PSG3: variants seen among roughly 807,000 people sequenced by gnomAD.
PSG3 encodes the protein pregnancy specific beta-1-glycoprotein 3, also known as pregnancy-specific beta-1-glycoprotein 3.
PSG3 carries 61 observed loss-of-function variants against 47.5 expected under a neutral mutation model. The ratio of observed to expected loss-of-function variants is 1.28; its 90% CI spans 1.05 to 1.59. The LOEUF is 1.59. Among genes scored for constraint, PSG3 ranks in the 40% most tolerant of loss-of-function variants. The pLI is 0.00. For missense variants in PSG3, 756 were observed against 524.0 expected (o/e 1.44, Z -4.32); for synonymous variants, 263 against 198.4 (o/e 1.33, Z -2.74).
At chr19:42,734,481 G>A (rs1467126132) in intron 2 of PSG3, among the ~76,000 whole-genome samples, 1 of 152,146 alleles carries the variant, frequency 6.6e-6, no homozygotes, top group Admixed American at 6.6e-5. Flanking sequence ...CAGGAGTTTA[G>A]ACCTTATGTT....
chr19:42,736,233 T>G (rs759001368), intron 2 of PSG3, among the ~76,000 whole-genome samples: 5 of 152,206 alleles, frequency 3.3e-5, no homozygotes, highest in African/African-American at 9.7e-5. Context: ...TTTACAAAAT[T>G]TGTAACTAAT....
At position 42,729,153 on chromosome 19, in the gene PSG3, T is replaced by C. The variant is rs778517713; in HGVS notation, c.1213A>G (p.Ser405Gly). 1.2e-6 allele frequency: 2 copies of C among 1,613,998 alleles called. No homozygotes were observed. The highest frequency in any genetic ancestry group is 1.7e-5 in the Admixed American group (1 of 60,022). The part of the protein sequence containing the change: ...SVRNSATGME[S>G]SKSMTVKVSA... ...ACTTTGACTGTCATGGATTTGGAGC[T>C]TTCCATGCCAGTGGCTGAGTTACGA... Residue 405 changes from serine (S) to glycine (G), a missense_variant, in exon 5 of 7, where the codon AGC (serine) becomes GGC (glycine). By Grantham distance (56) the Ser-to-Gly change is moderately conservative. Transcript: ENST00000327495.
chr19:42,728,065 A>C (rs1222515183), intron 5 of PSG3, among the ~76,000 whole-genome samples: 1 of 152,214 alleles, frequency 6.6e-6, no homozygotes, highest in Non-Finnish European at 1.5e-5. Flanking sequence ...GATAGTTAGA[A>C]TAGCCAGTTA....
At chr19:42,733,981 C>T (rs558149350) in intron 2 of PSG3, 14 of 152,254 alleles carry the variant, frequency 9.2e-5, no homozygotes, top group African/African-American at 3.4e-4. Context: ...TGGGAAGAAG[C>T]CTTGCAGATA....
At chr19:42,730,160 G>A (rs1969449753) in intron 3 of PSG3, 104 bp from the exon 4 acceptor site, 1 of 1,546,060 alleles carries the variant, frequency 6.5e-7, no homozygotes, top group South Asian at 1.3e-5. Context: ...GCCCACCCGA[G>A]TCCTTGAAAG....
chr19:42,728,893 C>T (rs572009614), intron 5 of PSG3, among the ~76,000 whole-genome samples: 29 of 152,262 alleles, frequency 1.9e-4, no homozygotes, highest in African/African-American at 7.0e-4. Flanking sequence ...GCTGATAAAG[C>T]CCGCTCCGTA....
intron 3 of PSG3, among the ~76,000 whole-genome samples, chr19:42,731,468 C>G (rs183107821): frequency 6.6e-6 from 1 of 152,180 alleles, no homozygotes; most frequent in African/African-American, 2.4e-5. Context: ...TCGGTGAATT[C>G]CATACTGGCC....
In PSG3 at chr19:42,729,983, G is replaced by A. The variant is rs776995360; in HGVS notation, c.783C>T (p.Thr261=). The change falls in exon 4 of 7, where the codon ACC becomes ACT. Residue 261 remains threonine, a synonymous_variant. Transcript: ENST00000327495. ...TGTAGTTCTCACTCTTAGGTTCACA[G>A]GTGAAGGCTAAGACATCCTTATTCT... is the stretch of plus-strand genomic sequence containing the variant. The part of the protein sequence containing the change: ...PRENKDVLAF[T]CEPKSENYTY... The A allele has an allele frequency of 6.2e-7, 1 of 1,612,308 alleles. No individual in the cohort carries two copies.
At chr19:42,738,703 T>C in intron 2 of PSG3, 21 bp downstream of exon 2, 1 of 1,613,000 alleles carries the variant, frequency 6.2e-7, no homozygotes, top group Non-Finnish European at 8.5e-7. Flanking sequence ...CAACACCCAG[T>C]GATCACGTGG....
chr19:42,739,761 GTTA>G (rs988109842), intron 1 of PSG3, among the ~76,000 whole-genome samples: 4 of 152,092 alleles, frequency 2.6e-5, no homozygotes, highest in African/African-American at 7.2e-5. Context: ...ATCTGATATA[GTTA>G]TTATTATCAT....
At chr19:42,728,823 A>C (rs1256905723) in intron 5 of PSG3, among the ~76,000 whole-genome samples, 1 of 151,838 alleles carries the variant, frequency 6.6e-6, no homozygotes, top group Non-Finnish European at 1.5e-5. Flanking sequence ...AAGCAACTTG[A>C]TCTTGAGGAC....
In PSG3 at chr19:42,721,891, T is replaced by C; in HGVS notation, c.*240A>G. On this transcript the variant is annotated 3_prime_UTR_variant, in exon 7 of 7. Coordinates refer to ENST00000327495, the MANE Select transcript of PSG3 (RefSeq NM_021016.4). Reference sequence around the variant, plus strand: ...TTAGTCCAATAAAATTGGGTTTTTTTCTTTGTCTTGAATTTCATGAAGTAT... The same window carrying C: ...TTAGTCCAATAAAATTGGGTTTTTTCCTTTGTCTTGAATTTCATGAAGTAT... 2.4e-6 allele frequency: 1 copy of C among 415,190 alleles called. No individual in the cohort carries two copies. 25.7% of individuals were successfully genotyped at this position (415,190 alleles called of 1,614,324 possible). A position where few individuals can be genotyped will look rare whatever the true frequency, so the allele number is the denominator to read the frequency against.
rs1164454089 is a variant in PSG3 at position 42,732,854 on chromosome 19, T to C, written c.639A>G (p.Gly213=). 103 of 1,613,966 alleles carry C rather than the reference T, an allele frequency of 6.4e-5. No homozygotes were observed. Among genetic ancestry groups the C allele is most frequent in the Non-Finnish European group, 8.6e-5 (102 of 1,180,000 alleles). The change falls in exon 3 of 7, where the codon GGA becomes GGG. Residue 213 remains glycine, a synonymous_variant. Transcript: ENST00000327495. Reference sequence around the variant, plus strand: ...GGTTCCGTATTTCACATTCATAGGGTCCTGCAGTGTACTTTGTGACACCAA... The same window carrying C: ...GGTTCCGTATTTCACATTCATAGGGCCCTGCAGTGTACTTTGTGACACCAA... The part of the protein sequence containing the change: ...FLFGVTKYTA[G]PYECEIRNPV...
At position 42,739,087 on chromosome 19, in the gene PSG3, A is replaced by T. The variant is rs1220576103; in HGVS notation, c.67T>A (p.Leu23Ile). ...GGCAAGTTCCAGAAGTTTAAAAGTA[A>T]TGCTAGGAGGTGGAGAGAGCATCAG... ...ITWKGLLLTA[L>I]LLNFWNLPTT... is the part of the protein sequence containing the mutation. The change falls in exon 2 of 7, where the codon TTA becomes ATA. Residue 23 changes from leucine to isoleucine, a missense_variant and splice_region_variant. Coordinates refer to ENST00000327495, the MANE Select transcript of PSG3 (RefSeq NM_021016.4). 5 of 1,598,564 alleles carry T rather than the reference A, an allele frequency of 3.1e-6. No individual in the cohort carries two copies. In the Admixed American group the frequency reaches 5.0e-5, roughly 16 times the overall value.
chr19:42,729,777 C>G lies in PSG3; in HGVS notation c.988+1G>C. 1 of 1,612,878 alleles carries G rather than the reference C, an allele frequency of 6.2e-7. No homozygotes were observed. Among genetic ancestry groups the G allele is most frequent in the Non-Finnish European group, 8.5e-7 (1 of 1,179,514 alleles). ...CCCACAGAGGAACAAAAGATACTCA[C>G]AGAGGACATTCAGGGTGACTGGGTA... On this transcript the variant is annotated splice_donor_variant, in intron 4 of 6. Transcript: ENST00000327495. LOFTEE classifies it high-confidence loss of function.
At chr19:42,724,540 C>G (rs1417114577) in intron 5 of PSG3, among the ~76,000 whole-genome samples, 1 of 152,214 alleles carries the variant, frequency 6.6e-6, no homozygotes, top group Non-Finnish European at 1.5e-5. Context: ...CTCTTTAACT[C>G]TAATGGGTGA....
rs1172556895 is a variant in PSG3, at chr19:42,721,810, T to G, written c.*321A>C. The G allele has an allele frequency of 7.3e-6, 3 of 410,084 alleles. No homozygotes were observed. Among genetic ancestry groups the G allele is most frequent in the Non-Finnish European group, 1.3e-5 (3 of 225,522 alleles). The allele number at this position is 410,084 out of a possible 1,614,324, so 25.4% of individuals were successfully genotyped here. On this transcript the variant is annotated 3_prime_UTR_variant, in exon 7 of 7. Coordinates refer to ENST00000327495, the MANE Select transcript of PSG3 (RefSeq NM_021016.4). ...GTGCATAAATCTGGAGAATAAAACA[T>G]TCAAAGAATCAGCACATTTTCAAAT...
intron 2 of PSG3, 35 bp downstream of exon 2, chr19:42,738,689 C>A (rs199508988): frequency 1.2e-6 from 2 of 1,612,042 alleles, no homozygotes; most frequent in African/African-American, 1.3e-5. Flanking sequence ...AAGACCCCAT[C>A]CCCCAACACC....
At chr19:42,734,282 T>C (rs1969525305) in intron 2 of PSG3, 1 of 152,206 alleles carries the variant, frequency 6.6e-6, no homozygotes, top group Non-Finnish European at 1.5e-5. Flanking sequence ...TTTTGGAATA[T>C]TTACAGTACA....
Sources: allele counts gnomAD v4.1 joint callset (sites outside exome capture counted in the v4.1 genomes callset), GRCh38; gene constraint gnomAD v4.1.1; transcripts MANE v1.5; gene names NCBI Gene and HGNC (gene_info 2026-07-23, HGNC 2026-07-21).